The following TENM3 variants were observed in gnomAD, a reference collection of about 807,000 sequenced individuals.
TENM3 encodes the protein teneurin transmembrane protein 3, also known as teneurin-3.
TENM3 carries 63 observed loss-of-function variants against 255.1 expected under a neutral mutation model. The ratio of observed to expected loss-of-function variants is 0.25; its 90% CI spans 0.20 to 0.30. TENM3 has a LOEUF of 0.30. TENM3 is among the 10% of genes least tolerant of loss of function. The pLI is 1.00. For synonymous variants in TENM3, 1,306 were observed against 1,322.3 expected (o/e 0.99, Z 0.27); for missense variants, 2,929 against 3,461.1 (o/e 0.85, Z 3.86).
At chr4:182,560,630 C>T (rs1743066804) in intron 3 of TENM3, among the ~76,000 whole-genome samples, 1 of 152,156 alleles carries the variant, frequency 6.6e-6, no homozygotes, top group Admixed American at 6.6e-5. Flanking sequence ...GGACTTCCTT[C>T]TCAGGAGCAG....
intron 3 of TENM3, among the ~76,000 whole-genome samples, chr4:182,564,400 C>G (rs559431531): frequency 6.6e-6 from 1 of 152,030 alleles, no homozygotes; most frequent in Admixed American, 6.6e-5. Flanking sequence ...ACAGTCCTCC[C>G]GCCTTGGCCT....
At chr4:182,669,941 T>G (rs189614310) in intron 6 of TENM3, among the ~76,000 whole-genome samples, 1 of 152,158 alleles carries the variant, frequency 6.6e-6, no homozygotes, top group African/African-American at 2.4e-5. Context: ...CAGTGAAGAT[T>G]AGTTCCATTT....
At chr4:182,730,681 A>G (rs1041292052) in intron 15 of TENM3, among the ~76,000 whole-genome samples, 197 bp from the exon 16 acceptor site, 9 of 152,220 alleles carry the variant, frequency 5.9e-5, no homozygotes, top group South Asian at 2.1e-4. Context: ...AAATTGGTGA[A>G]CTTGGTGAAT....
chr4:182,759,561 C>A (rs944642327), intron 22 of TENM3, among the ~76,000 whole-genome samples: 1 of 152,210 alleles, frequency 6.6e-6, no homozygotes, highest in Non-Finnish European at 1.5e-5. Context: ...ATAAGGACTT[C>A]CTCAGTTGAT....
the TENM3 span, among the ~76,000 whole-genome samples, chr4:181,776,235 C>T: frequency 3.9e-5 from 6 of 152,056 alleles, no homozygotes; most frequent in South Asian, 2.1e-4. Flanking sequence ...CCATCCACGT[C>T]GCTGTAAATG....
At chr4:181,919,845 T>C in the TENM3 span, among the ~76,000 whole-genome samples, 2 of 150,666 alleles carry the variant, frequency 1.3e-5, no homozygotes, top group Admixed American at 1.3e-4. Context: ...AACTCGTCAT[T>C]TAGCATTAGG....
At chr4:181,971,061 C>A in the TENM3 span, among the ~76,000 whole-genome samples, 1 of 152,168 alleles carries the variant, frequency 6.6e-6, no homozygotes, top group Non-Finnish European at 1.5e-5. Flanking sequence ...GATCCTCCCG[C>A]CTCGAGCTCC....
intron 3 of TENM3, among the ~76,000 whole-genome samples, chr4:182,594,562 C>T (rs1038221858): frequency 4.6e-5 from 7 of 152,072 alleles, no homozygotes; most frequent in African/African-American, 9.7e-5. Context: ...CCTCTCCAGG[C>T]GTATTTGCTT....
intron 5 of TENM3, among the ~76,000 whole-genome samples, chr4:182,644,349 A>G (rs1752558215): frequency 6.6e-6 from 1 of 152,152 alleles, no homozygotes; most frequent in Non-Finnish European, 1.5e-5. Flanking sequence ...TTCTCTCAAC[A>G]TGGAGCTAAA....
intron 1 of TENM3, among the ~76,000 whole-genome samples, chr4:182,148,744 G>T (rs981634573): frequency 6.6e-6 from 1 of 151,988 alleles, no homozygotes; most frequent in African/African-American, 2.4e-5. Context: ...TGAAGAGATG[G>T]TGAACGTTAT....
chr4:182,520,015 G>T (rs1477813815), intron 3 of TENM3, among the ~76,000 whole-genome samples: 2 of 151,962 alleles, frequency 1.3e-5, no homozygotes, highest in African/African-American at 4.8e-5. Context: ...AGGGGATGCT[G>T]GATATAGTTA....
At chr4:182,080,143 C>T in the TENM3 span, among the ~76,000 whole-genome samples, 13 of 152,272 alleles carry the variant, frequency 8.5e-5, no homozygotes, top group South Asian at 2.1e-4. Flanking sequence ...TGCTGATCCT[C>T]GATCACCTCT....
At chr4:182,421,436 A>G (rs1274372267) in intron 3 of TENM3, among the ~76,000 whole-genome samples, 1 of 152,178 alleles carries the variant, frequency 6.6e-6, no homozygotes, top group Non-Finnish European at 1.5e-5. Context: ...TTCATGCTTT[A>G]GGTATGACTT....
At chr4:181,907,288 G>A in the TENM3 span, among the ~76,000 whole-genome samples, 1 of 152,324 alleles carries the variant, frequency 6.6e-6, no homozygotes, top group East Asian at 1.9e-4. Context: ...GCAAGTTGGA[G>A]TGTATGGGCA....
intron 6 of TENM3, among the ~76,000 whole-genome samples, chr4:182,670,145 T>G (rs1355453729): frequency 6.6e-6 from 1 of 152,204 alleles, no homozygotes; most frequent in East Asian, 1.9e-4. Context: ...CTCTCTTTAT[T>G]TAACTGTATG....
intron 3 of TENM3, among the ~76,000 whole-genome samples, chr4:182,435,924 G>A (rs1772005962): frequency 6.6e-6 from 1 of 151,702 alleles, no homozygotes; most frequent in Non-Finnish European, 1.5e-5. Context: ...TCTTTGGAAA[G>A]TCTTGTTGAT....
At chr4:182,044,288 A>C in the TENM3 span, among the ~76,000 whole-genome samples, 1 of 152,226 alleles carries the variant, frequency 6.6e-6, no homozygotes, top group Non-Finnish European at 1.5e-5. Flanking sequence ...AGAACTTCAA[A>C]AGAGTTTCTT....
At chr4:182,172,156 A>G (rs1752153441) in intron 1 of TENM3, among the ~76,000 whole-genome samples, 1 of 152,108 alleles carries the variant, frequency 6.6e-6, no homozygotes, top group Non-Finnish European at 1.5e-5. Flanking sequence ...GGTTTTCCAT[A>G]GGATATCATT....
the TENM3 span, among the ~76,000 whole-genome samples, chr4:181,860,272 C>T: frequency 6.6e-6 from 1 of 152,180 alleles, no homozygotes; most frequent in Admixed American, 6.5e-5. Context: ...AGGCACAGGG[C>T]CATTGCTTAA....
Sources: gnomAD v4.1 joint callset for allele counts (sites outside exome capture counted in the v4.1 genomes callset) on GRCh38, gnomAD v4.1.1 for gene constraint, MANE v1.5 for transcripts, NCBI Gene and HGNC (gene_info 2026-07-23, HGNC 2026-07-21) for gene names.